DLG2: variants seen among roughly 807,000 people sequenced by gnomAD.
DLG2 encodes the protein discs large MAGUK scaffold protein 2.
A neutral mutation model predicts 132.5 loss-of-function variants in DLG2; 45 were observed. The observed-to-expected ratio is 0.34, with a 90% confidence interval of 0.27 to 0.44. DLG2 has a LOEUF of 0.44. Ranked by LOEUF, DLG2 falls within the 20% of genes least tolerant of loss-of-function variation. DLG2 has a pLI of 1.00. For synonymous variants in DLG2, 424 were observed against 419.6 expected (o/e 1.01, Z -0.13); for missense variants, 1,045 against 1,196.9 (o/e 0.87, Z 1.87).
intron 6 of DLG2, among the ~76,000 whole-genome samples, chr11:84,880,434 C>T (rs1206626948): frequency 6.6e-6 from 1 of 152,100 alleles, no homozygotes; most frequent in African/African-American, 2.4e-5. Context: ...AAATGGTGCA[C>T]AAGTTTAGAG....
At chr11:85,254,392 A>G (rs2076557185) in intron 4 of DLG2, among the ~76,000 whole-genome samples, 1 of 152,162 alleles carries the variant, frequency 6.6e-6, no homozygotes, top group African/African-American at 2.4e-5. Flanking sequence ...ACCTAGAAAA[A>G]TATTGGACAG....
intron 6 of DLG2, among the ~76,000 whole-genome samples, chr11:84,684,825 G>A (rs1595715396): frequency 6.6e-6 from 1 of 152,106 alleles, no homozygotes; most frequent in Non-Finnish European, 1.5e-5. Context: ...ATAACTCATG[G>A]TTACTTTTCT....
chr11:84,591,256 T>TGTGTGTGTGTGTGC (rs773255134), intron 6 of DLG2, among the ~76,000 whole-genome samples: 83 of 150,326 alleles, frequency 5.5e-4, no homozygotes, highest in Admixed American at 6.0e-4. Context: ...TGTGTGTGTG[T>TGTGTGTGTGTGTGC]GCGCGTCTTT....
chr11:83,635,718 A>G (rs1258122537), intron 18 of DLG2, among the ~76,000 whole-genome samples: 1 of 152,186 alleles, frequency 6.6e-6, no homozygotes, highest in East Asian at 1.9e-4. Flanking sequence ...CCAAATACAT[A>G]AATATCATGT....
At chr11:84,572,039 G>T (rs2099486488) in intron 6 of DLG2, among the ~76,000 whole-genome samples, 1 of 151,246 alleles carries the variant, frequency 6.6e-6, no homozygotes, top group African/African-American at 2.4e-5. Context: ...TCCTTAAGTG[G>T]ATTCTAGATT....
intron 6 of DLG2, among the ~76,000 whole-genome samples, chr11:84,911,673 A>G (rs2154077733): frequency 6.6e-6 from 1 of 152,332 alleles, no homozygotes; most frequent in East Asian, 1.9e-4. Context: ...TTATCTTTAA[A>G]AACACAAATA....
chr11:84,470,177 G>A (rs748555407), intron 7 of DLG2, among the ~76,000 whole-genome samples: 3 of 151,714 alleles, frequency 2.0e-5, no homozygotes, highest in Non-Finnish European at 4.4e-5. Context: ...ACTGTATAAA[G>A]CACAAGTGTT....
At chr11:84,944,401 A>T (rs1305559253) in intron 6 of DLG2, among the ~76,000 whole-genome samples, 1 of 151,960 alleles carries the variant, frequency 6.6e-6, no homozygotes, top group African/African-American at 2.4e-5. Context: ...TAGGTCTTGT[A>T]AGCTTGCTTC....
At chr11:83,725,076 G>C (rs2089732176) in intron 18 of DLG2, 1 of 564,130 alleles carries the variant, frequency 1.8e-6, no homozygotes, top group Non-Finnish European at 3.2e-6. Context: ...GAGATGCTTT[G>C]CAACACAAAC....
In DLG2 at chr11:84,803,582, T is replaced by G. The variant is rs140695111; in HGVS notation, c.358-268851A>C. ...CTAACATTTTACACCTTACACTACA[T>G]GACTACCCTATGAAATATCTGAAAT... is the stretch of plus-strand genomic sequence containing the variant. On this transcript the variant is annotated intron_variant, in intron 6 of 27. Coordinates refer to ENST00000376104, the MANE Select transcript of DLG2 (RefSeq NM_001142699.3). 3.3e-5 allele frequency among the ~76,000 whole-genome samples: 5 copies of G among 152,326 alleles called. No individual in the cohort carries two copies. The East Asian group carries it at 9.7e-4, about 29-fold the overall frequency.
chr11:85,009,218 A>T (rs1057384829), intron 6 of DLG2, among the ~76,000 whole-genome samples: 4 of 152,114 alleles, frequency 2.6e-5, no homozygotes, highest in Non-Finnish European at 5.9e-5. Context: ...ATCTCCAGAG[A>T]CCTATTATAA....
chr11:83,945,993 C>T (rs790347), intron 14 of DLG2, among the ~76,000 whole-genome samples: 6,417 of 71,908 alleles, frequency 0.089, 514 homozygotes, highest in African/African-American at 0.3. Flanking sequence ...CTCTCTCTCT[C>T]TTTTTTTTTT....
chr11:84,640,372 G>T, intron 6 of DLG2: 1 of 353,480 alleles, frequency 2.8e-6, no homozygotes, highest in Non-Finnish European at 5.1e-6. Context: ...GTTTGGATAA[G>T]GCCAAATGTT....
intron 6 of DLG2, among the ~76,000 whole-genome samples, chr11:84,931,628 G>T (rs1442755493): frequency 6.6e-6 from 1 of 152,202 alleles, no homozygotes; most frequent in Non-Finnish European, 1.5e-5. Flanking sequence ...TATATAGCCA[G>T]TAATGGGATT....
intron 17 of DLG2, among the ~76,000 whole-genome samples, chr11:83,807,077 A>G (rs1168766667): frequency 6.6e-6 from 1 of 152,196 alleles, no homozygotes; most frequent in Admixed American, 6.5e-5. Context: ...ATTTGGGAAA[A>G]CTAGAAGCAG....
At chr11:83,627,367 C>G (rs2062746513) in intron 19 of DLG2, among the ~76,000 whole-genome samples, 4 of 151,786 alleles carry the variant, frequency 2.6e-5, no homozygotes, top group African/African-American at 9.7e-5. Flanking sequence ...TCTTCCCCCA[C>G]CCCACCCCAC....
intron 7 of DLG2, among the ~76,000 whole-genome samples, chr11:84,366,420 A>C (rs1324282227): frequency 1.3e-5 from 2 of 152,002 alleles, no homozygotes; most frequent in Non-Finnish European, 2.9e-5. Flanking sequence ...GAGCAAAATC[A>C]CCAGCTAACA....
intron 6 of DLG2, among the ~76,000 whole-genome samples, chr11:84,691,080 A>G (rs2057977958): frequency 6.6e-6 from 1 of 151,798 alleles, no homozygotes; most frequent in Admixed American, 6.6e-5. Context: ...ACATTTTTTC[A>G]AGTGTATAAA....
chr11:83,986,170 T>G lies in DLG2; in HGVS notation c.920-5528A>C, dbSNP rs953734749. 1.5e-4 allele frequency among the ~76,000 whole-genome samples: 23 copies of G among 151,862 alleles called. No homozygotes were observed. In the East Asian group the frequency reaches 2.7e-3, roughly 18 times the overall value. ...GTGTGCTGCACCCATTAACTCGTCA[T>G]TTAGCATTAGGTATATCTCCTAAAG... On this transcript the variant is annotated intron_variant, in intron 11 of 27. Coordinates refer to ENST00000376104, the MANE Select transcript of DLG2 (RefSeq NM_001142699.3).
Sources: allele counts gnomAD v4.1 joint callset (sites outside exome capture counted in the v4.1 genomes callset), GRCh38; gene constraint gnomAD v4.1.1; transcripts MANE v1.5; gene names NCBI Gene and HGNC (gene_info 2026-07-23, HGNC 2026-07-21).